E2F7: variants seen among roughly 807,000 people sequenced by gnomAD.
E2F7 encodes E2F transcription factor 7.
Under a neutral mutation model 81.1 loss-of-function variants are expected in E2F7, and 35 were observed. The ratio of observed to expected loss-of-function variants is 0.43; its 90% CI spans 0.33 to 0.57. E2F7 has a LOEUF of 0.57. E2F7 is among the 20% of genes least tolerant of loss of function. The pLI, the probability that E2F7 is intolerant of heterozygous loss-of-function variation, is 0.04. For missense variants in E2F7, 961 were observed against 1,093.7 expected (o/e 0.88, Z 1.71); for synonymous variants, 416 against 416.2 (o/e 1.00, Z 0.01).
chr12:77,023,980 C>A lies in E2F7; in HGVS notation c.*35G>T. On this transcript the variant is annotated 3_prime_UTR_variant, in exon 13 of 13. Coordinates refer to ENST00000322886, the MANE Select transcript of E2F7 (RefSeq NM_203394.3). ...CCTCGGACATCCGGGACTCTCAGGGCGTTTGATCCCACCCCCACCTGGCAA... is the reference window on the plus strand; with the variant it reads ...CCTCGGACATCCGGGACTCTCAGGGAGTTTGATCCCACCCCCACCTGGCAA... 1.2e-6 allele frequency: 2 copies of A among 1,606,466 alleles called. No homozygotes were observed.
At chr12:77,058,141 A>G (rs1955049291) in intron 2 of E2F7, among the ~76,000 whole-genome samples, 1 of 152,220 alleles carries the variant, frequency 6.6e-6, no homozygotes, top group African/African-American at 2.4e-5. Context: ...AGAATGCTGC[A>G]TCTACCCACC....
chr12:77,021,495 C>T lies in E2F7; in HGVS notation c.*2520G>A, dbSNP rs1430419424. 2.6e-5 allele frequency: 4 copies of T among 152,454 alleles called. No individual in the cohort carries two copies. Among genetic ancestry groups the T allele is most frequent in the Non-Finnish European group, 4.4e-5 (3 of 67,990 alleles). 9.4% of individuals were successfully genotyped at this position (152,454 alleles called of 1,614,324 possible). On this transcript the variant is annotated 3_prime_UTR_variant, in exon 13 of 13. Coordinates refer to ENST00000322886, the MANE Select transcript of E2F7 (RefSeq NM_203394.3). ...ATAAGATAAGCAGAAAGCAGCTTTA[C>T]GTTAAAAGAAAGTTATTTAAATACA...
At chr12:77,051,664 T>C (rs1954990081) in intron 3 of E2F7, among the ~76,000 whole-genome samples, 1 of 152,120 alleles carries the variant, frequency 6.6e-6, no homozygotes, top group African/African-American at 2.4e-5. Context: ...AACCTAGGAA[T>C]AACAGAGAAC....
chr12:77,058,673 C>T (rs1405265701), intron 2 of E2F7, among the ~76,000 whole-genome samples: 4 of 152,072 alleles, frequency 2.6e-5, no homozygotes, highest in Non-Finnish European at 5.9e-5. Context: ...TTCTCTCAAC[C>T]GAAAATGAAG....
rs1954712375 is a variant in E2F7 at position 77,021,733 on chromosome 12, A to G, written c.*2282T>C. On this transcript the variant is annotated 3_prime_UTR_variant, in exon 13 of 13. Transcript: ENST00000322886. ...ATTTTTTTCTTTTACTAAATTATAC[A>G]ATAATAGACTCAAGATTGCCATTGC... 1.3e-5 allele frequency: 2 copies of G among 152,398 alleles called. No homozygotes were observed. Among genetic ancestry groups the G allele is most frequent in the East Asian group, 1.9e-4 (1 of 5,204 alleles). 9.4% of individuals were successfully genotyped at this position (152,398 alleles called of 1,614,324 possible).
chr12:77,034,171 C>G, intron 7 of E2F7, 129 bp from the exon 8 acceptor site: 1 of 716,642 alleles, frequency 1.4e-6, no homozygotes. Context: ...AAAACTAAGA[C>G]AATCAAAGGA....
At chr12:77,034,379 CAAAGG>C (rs1338484270) in intron 7 of E2F7, among the ~76,000 whole-genome samples, 1 of 152,194 alleles carries the variant, frequency 6.6e-6, no homozygotes, top group East Asian at 1.9e-4. Context: ...CAGAGAGTAT[CAAAGG>C]AAAGCCCGAC....
At chr12:77,052,714 G>T (rs1431705126) in intron 3 of E2F7, among the ~76,000 whole-genome samples, 3 of 151,780 alleles carry the variant, frequency 2.0e-5, no homozygotes, top group Admixed American at 1.3e-4. Flanking sequence ...TGTCCATCAA[G>T]AAATAACATA....
chr12:77,039,692 TCA>T (rs1954880332), intron 7 of E2F7, among the ~76,000 whole-genome samples: 2 of 152,210 alleles, frequency 1.3e-5, no homozygotes, highest in African/African-American at 4.8e-5. Context: ...ACTAGAACTC[TCA>T]TATACTGTTG....
At chr12:77,048,292 C>T (rs1370698940) in intron 4 of E2F7, among the ~76,000 whole-genome samples, 1 of 152,200 alleles carries the variant, frequency 6.6e-6, no homozygotes, top group African/African-American at 2.4e-5. Flanking sequence ...TCCTTGCATT[C>T]AGTCTTCTTT....
In E2F7 at chr12:77,046,271, A is replaced by C; in HGVS notation, c.596T>G (p.Val199Gly). 2 of 1,614,194 alleles carry C rather than the reference A, an allele frequency of 1.2e-6. No individual in the cohort carries two copies. Among genetic ancestry groups the C allele is most frequent in the South Asian group, 1.1e-5 (1 of 91,084 alleles). Residue 199 changes from valine to glycine, a missense_variant, in exon 5 of 13, where the codon GTC becomes GGC. This residue lies in a region of E2F7 where 301 missense variants were observed against 405.0 expected (regional missense o/e 0.74). Transcript: ENST00000322886. The stretch of plus-strand genomic sequence containing the variant: ...ATACTGATTCTTAGCCACCCGGCTG[A>C]CCAGATGCAGCGACTCCAGCACATT... ...IVNVLESLHL[V>G]SRVAKNQYGW...
chr12:77,039,452 C>A (rs1231890916), intron 7 of E2F7, among the ~76,000 whole-genome samples: 2 of 152,120 alleles, frequency 1.3e-5, no homozygotes, highest in African/African-American at 4.8e-5. Context: ...GTATATACAA[C>A]TCTCACAATT....
intron 9 of E2F7, among the ~76,000 whole-genome samples, 193 bp from the exon 10 acceptor site, chr12:77,030,525 A>C (rs753344123): frequency 1.3e-5 from 2 of 152,104 alleles, no homozygotes; most frequent in Non-Finnish European, 2.9e-5. Context: ...AATGGTTAGG[A>C]TGGGGTGGGA....
intron 4 of E2F7, among the ~76,000 whole-genome samples, chr12:77,047,084 G>A (rs890395338): frequency 3.3e-5 from 5 of 152,086 alleles, no homozygotes. Flanking sequence ...TCCAGTACAA[G>A]CTGATCACGA....
chr12:77,064,532 T>C lies in E2F7; in HGVS notation c.93+11A>G. The C allele has an allele frequency of 6.2e-7, 1 of 1,612,610 alleles. No homozygotes were observed. The highest frequency in any genetic ancestry group is 1.3e-5 in the African/African-American group (1 of 75,014). ...AACATATTAGAAACTAAGGTGTTTA[T>C]GTTTGCTTACCTTTTGTGCATTTTC... is the stretch of plus-strand genomic sequence containing the variant. On this transcript the variant is annotated intron_variant, in intron 2 of 12. Transcript: ENST00000322886.
At chr12:77,040,163 T>G (rs1954883548) in intron 7 of E2F7, among the ~76,000 whole-genome samples, 1 of 152,228 alleles carries the variant, frequency 6.6e-6, no homozygotes, top group Non-Finnish European at 1.5e-5. Flanking sequence ...TATGTGTGTT[T>G]CTTTTTAAAG....
chr12:77,064,584 T>G lies in E2F7; in HGVS notation c.52A>C (p.Arg18=), dbSNP rs570725854. The part of the protein sequence containing the change: ...LKDLISPRQP[R]LDFAVEDGEN... ...CCATCTTCAACTGCAAAATCTAGTCTGGGCTGCCTGGGGCTGATCAGGTCT... is the reference window on the plus strand; with the variant it reads ...CCATCTTCAACTGCAAAATCTAGTCGGGGCTGCCTGGGGCTGATCAGGTCT... Residue 18 remains arginine (R), a synonymous_variant, in exon 2 of 13, where the codon AGA becomes CGA. Coordinates refer to ENST00000322886, the MANE Select transcript of E2F7 (RefSeq NM_203394.3). 6.2e-7 allele frequency: 1 copy of G among 1,614,186 alleles called. No homozygotes were observed. Among genetic ancestry groups the G allele is most frequent in the South Asian group, 1.1e-5 (1 of 91,084 alleles).
intron 9 of E2F7, among the ~76,000 whole-genome samples, chr12:77,032,704 C>T (rs545812386): frequency 6.6e-6 from 1 of 152,202 alleles, no homozygotes; most frequent in Admixed American, 6.5e-5. Context: ...TGGAACGGTA[C>T]CTGGTAGTTA....
rs554784804 is a variant in E2F7 at position 77,038,493 on chromosome 12, T to C, written c.1124-4451A>G. On this transcript the variant is annotated intron_variant, in intron 7 of 12. Transcript: ENST00000322886. ...AATCCCAGAATATTTAGAAACTATA[T>C]GTTACATGTCTAAATAATTTGTGGG... is the stretch of plus-strand genomic sequence containing the variant. Among the ~76,000 whole-genome samples, 3 of 152,316 alleles carry C rather than the reference T, an allele frequency of 2.0e-5. No individual in the cohort carries two copies. In the South Asian group the frequency reaches 6.2e-4, roughly 32 times the overall value.
Sources: gnomAD v4.1 joint callset for allele counts (sites outside exome capture counted in the v4.1 genomes callset) on GRCh38, gnomAD v4.1.1 for gene constraint, gnomAD v4.1.1 regional missense constraint, MANE v1.5 for transcripts, NCBI Gene and HGNC (gene_info 2026-07-23, HGNC 2026-07-21) for gene names.